Variants in PCDHA3 observed in about 807,000 individuals in gnomAD.
PCDHA3 encodes protocadherin alpha 3.
Under a neutral mutation model 62.2 loss-of-function variants are expected in PCDHA3, and 41 were observed. The observed-to-expected ratio is 0.66, with a 90% confidence interval of 0.51 to 0.86. The LOEUF is 0.86. Ranked by LOEUF, PCDHA3 falls within the 40% of genes least tolerant of loss-of-function variation. The pLI is 0.00. For missense variants in PCDHA3, 1,304 were observed against 1,241.2 expected (o/e 1.05, Z -0.76); for synonymous variants, 640 against 555.4 (o/e 1.15, Z -2.14).
intron 1 of PCDHA3, chr5:140,842,155 A>G (rs1554138828): frequency 1.2e-6 from 2 of 1,613,884 alleles, no homozygotes; most frequent in East Asian, 2.2e-5. Context: ...GGGCAATTTC[A>G]TATTCTTTTA....
intron 1 of PCDHA3, chr5:140,858,027 C>T: frequency 1.3e-6 from 2 of 1,596,754 alleles, no homozygotes; most frequent in Non-Finnish European, 1.7e-6. Flanking sequence ...TCGCTGACGG[C>T]CACGGCCACT....
intron 1 of PCDHA3, chr5:140,857,881 G>T: frequency 6.3e-7 from 1 of 1,597,760 alleles, no homozygotes; most frequent in Non-Finnish European, 8.6e-7. Context: ...ATGAATTGCA[G>T]TCGGCGGCGG....
chr5:140,871,401 G>A (rs1400127439), intron 1 of PCDHA3: 4 of 1,614,086 alleles, frequency 2.5e-6, no homozygotes, highest in South Asian at 1.1e-5. Flanking sequence ...CACCTAAGAC[G>A]GACCTCATGG....
At chr5:140,875,304 A>G in intron 1 of PCDHA3, 6 of 1,416,398 alleles carry the variant, frequency 4.2e-6, no homozygotes, top group Non-Finnish European at 5.5e-6. Context: ...TTTTCTCCGC[A>G]CCCACATTCC....
At chr5:140,937,906 C>T (rs1235683629) in intron 1 of PCDHA3, among the ~76,000 whole-genome samples, 6 of 130,108 alleles carry the variant, frequency 4.6e-5, no homozygotes, top group African/African-American at 6.4e-5. Context: ...AGTGAGACTC[C>T]GTCTCAAAAA....
At chr5:140,959,956 G>A (rs78198535) in intron 1 of PCDHA3, among the ~76,000 whole-genome samples, 3,568 of 152,304 alleles carry the variant, frequency 0.023, 49 homozygotes, top group Middle Eastern at 0.034. Flanking sequence ...TCATAGGTAG[G>A]AGGTAGATGT....
chr5:140,971,845 G>A (rs370364575), intron 1 of PCDHA3, among the ~76,000 whole-genome samples: 4 of 152,052 alleles, frequency 2.6e-5, no homozygotes, highest in Admixed American at 6.5e-5. Context: ...CAAGTCATGC[G>A]TTAAATATTT....
At chr5:141,008,382 A>G (rs1458485740) in intron 3 of PCDHA3, among the ~76,000 whole-genome samples, 1 of 152,166 alleles carries the variant, frequency 6.6e-6, no homozygotes, top group African/African-American at 2.4e-5. Flanking sequence ...ATACATAAAC[A>G]TTGCTATGAT....
At chr5:140,842,532 A>G in intron 1 of PCDHA3, 1 of 1,613,066 alleles carries the variant, frequency 6.2e-7, no homozygotes, top group African/African-American at 1.3e-5. Context: ...TTCAAGAATT[A>G]CTACTCGTTG....
intron 1 of PCDHA3, chr5:140,853,845 T>C (rs2150303295): frequency 1.0e-6 from 1 of 986,388 alleles, no homozygotes. Context: ...TTTAGATCCA[T>C]AGCCCTATTT....
intron 1 of PCDHA3, chr5:140,866,095 A>G (rs1475761817): frequency 6.6e-6 from 1 of 152,152 alleles, no homozygotes; most frequent in East Asian, 1.9e-4. Flanking sequence ...TGTAATTGTT[A>G]AGTAATTAAG....
At chr5:140,849,477 C>T in intron 1 of PCDHA3, 1 of 1,590,036 alleles carries the variant, frequency 6.3e-7, no homozygotes, top group Middle Eastern at 1.7e-4. Context: ...TAAAGGCTTC[C>T]CACCCCTGGC....
rs782417854 is a variant in PCDHA3 at position 140,967,777 on chromosome 5, G to T, written c.2395-11172G>T. On this transcript the variant is annotated intron_variant, in intron 1 of 3. Transcript: ENST00000522353. The stretch of plus-strand genomic sequence containing the variant: ...CCTCCTACCAGATCTATGTGCAGGC[G>T]ACTGACCGGGGTCCAGTGCCCATGG... 2.5e-6 allele frequency: 4 copies of T among 1,614,186 alleles called. No individual in the cohort carries two copies. The South Asian group carries it at 4.4e-5, about 18-fold the overall frequency.
At chr5:140,833,614 T>A (rs1430791887) in intron 1 of PCDHA3, among the ~76,000 whole-genome samples, 2 of 152,120 alleles carry the variant, frequency 1.3e-5, no homozygotes, top group African/African-American at 4.8e-5. Flanking sequence ...AAGCAAAAAA[T>A]TCAGAATACT....
rs1419215366 is a variant in PCDHA3, at chr5:141,010,888, T to G, written c.*951T>G. 2 of 153,748 alleles carry G rather than the reference T, an allele frequency of 1.3e-5. No homozygotes were observed. The highest frequency in any genetic ancestry group is 2.9e-5 in the Non-Finnish European group (2 of 68,032). The allele number at this position is 153,748 out of a possible 1,614,324, so 9.5% of individuals were successfully genotyped here. On this transcript the variant is annotated 3_prime_UTR_variant, in exon 4 of 4. Coordinates refer to ENST00000522353, the MANE Select transcript of PCDHA3 (RefSeq NM_018906.3). Reference sequence around the variant, plus strand: ...AGCTATAAATCTTTAAAGAGAAATATGAATACAATTCCCCTAAACTCTCCT... The same window carrying G: ...AGCTATAAATCTTTAAAGAGAAATAGGAATACAATTCCCCTAAACTCTCCT...
At chr5:140,938,849 T>C (rs961236945) in intron 1 of PCDHA3, among the ~76,000 whole-genome samples, 1 of 152,102 alleles carries the variant, frequency 6.6e-6, no homozygotes, top group Admixed American at 6.6e-5. Flanking sequence ...CCTGCCCATG[T>C]ACCCCTGAAC....
At chr5:140,883,474 G>C in intron 1 of PCDHA3, 1 of 1,614,126 alleles carries the variant, frequency 6.2e-7, no homozygotes, top group Middle Eastern at 1.7e-4. Flanking sequence ...CCACCTACAA[G>C]AACTACTACT....
In PCDHA3 at chr5:140,801,741, G is replaced by C; in HGVS notation, c.544G>C (p.Val182Leu). ...TTCCACTGAATATTTTACCTTGGAC[G>C]TTAAAAGAAATGATGAGGAAATTAA... The part of the protein sequence containing the change: ...LDSTEYFTLD[V>L]KRNDEEIKSL... Residue 182 changes from valine (V) to leucine (L), a missense_variant, in exon 1 of 4, where the codon GTT (valine) becomes CTT (leucine). Transcript: ENST00000522353. The C allele has an allele frequency of 5.6e-6, 9 of 1,613,948 alleles. No individual in the cohort carries two copies. Among genetic ancestry groups the C allele is most frequent in the Non-Finnish European group, 7.6e-6 (9 of 1,180,000 alleles).
In PCDHA3 at chr5:141,010,896, A is replaced by G. The variant is rs1433932699; in HGVS notation, c.*959A>G. 6.5e-6 allele frequency: 1 copy of G among 153,790 alleles called. No individual in the cohort carries two copies. The highest frequency in any genetic ancestry group is 1.5e-5 in the Non-Finnish European group (1 of 68,052). The allele number at this position is 153,790 out of a possible 1,614,324, so 9.5% of individuals were successfully genotyped here. A position where few individuals can be genotyped will look rare whatever the true frequency, so the allele number is the denominator to read the frequency against. Reference sequence around the variant, plus strand: ...ATCTTTAAAGAGAAATATGAATACAATTCCCCTAAACTCTCCTCAAAAGAG... The same window carrying G: ...ATCTTTAAAGAGAAATATGAATACAGTTCCCCTAAACTCTCCTCAAAAGAG... On this transcript the variant is annotated 3_prime_UTR_variant, in exon 4 of 4. Coordinates refer to ENST00000522353, the MANE Select transcript of PCDHA3 (RefSeq NM_018906.3).
Sources: gnomAD v4.1 joint callset for allele counts (sites outside exome capture counted in the v4.1 genomes callset) on GRCh38, gnomAD v4.1.1 for gene constraint, MANE v1.5 for transcripts, NCBI Gene and HGNC (gene_info 2026-07-23, HGNC 2026-07-21) for gene names.